Variants in AFG2A observed in about 807,000 individuals in gnomAD.
The protein encoded by AFG2A is AAA ATPase AFG2A.
chr4:123,054,934 A>T, the AFG2A span, among the ~76,000 whole-genome samples: 1 of 151,740 alleles, frequency 6.6e-6, no homozygotes, highest in Non-Finnish European at 1.5e-5. Flanking sequence ...CGACTTCTGG[A>T]CTCTTAATAT....
chr4:122,958,832 C>T, the AFG2A span, among the ~76,000 whole-genome samples: 1 of 152,186 alleles, frequency 6.6e-6, no homozygotes, highest in Non-Finnish European at 1.5e-5. Flanking sequence ...CAGTCACATT[C>T]CCACTCATAA....
At chr4:123,133,622 C>A in the AFG2A span, among the ~76,000 whole-genome samples, 4 of 152,082 alleles carry the variant, frequency 2.6e-5, no homozygotes, top group Admixed American at 2.6e-4. Flanking sequence ...AGTGGGATTG[C>A]TGAATCATAT....
chr4:123,034,302 A>G, the AFG2A span, among the ~76,000 whole-genome samples: 3 of 152,118 alleles, frequency 2.0e-5, no homozygotes, highest in African/African-American at 7.2e-5. Context: ...ATAAATGACT[A>G]TATATACCCT....
the AFG2A span, among the ~76,000 whole-genome samples, chr4:123,195,648 A>G: frequency 6.6e-6 from 1 of 152,222 alleles, no homozygotes; most frequent in African/African-American, 2.4e-5. Context: ...AAACAAAACA[A>G]AGCCCAGATA....
the AFG2A span, among the ~76,000 whole-genome samples, chr4:123,241,444 C>G: frequency 6.6e-6 from 1 of 152,164 alleles, no homozygotes; most frequent in Non-Finnish European, 1.5e-5. Context: ...ATGATCAAGT[C>G]AGCTTCATCC....
At chr4:123,107,059 G>A in the AFG2A span, among the ~76,000 whole-genome samples, 1 of 152,198 alleles carries the variant, frequency 6.6e-6, no homozygotes, top group African/African-American at 2.4e-5. Context: ...CTGGACGAGG[G>A]GAACACAGTG....
chr4:123,064,603 G>T, the AFG2A span, among the ~76,000 whole-genome samples: 2 of 152,208 alleles, frequency 1.3e-5, no homozygotes, highest in Non-Finnish European at 2.9e-5. Context: ...CAACAATCCT[G>T]TCATCAAAAG....
chr4:122,979,120 C>A, the AFG2A span: 2 of 1,306,362 alleles, frequency 1.5e-6, no homozygotes, highest in South Asian at 3.0e-5. Flanking sequence ...GCCTCCCCCA[C>A]TGCAGCCAGT....
the AFG2A span, among the ~76,000 whole-genome samples, chr4:123,211,604 CTT>C: frequency 6.6e-6 from 1 of 152,080 alleles, no homozygotes; most frequent in Non-Finnish European, 1.5e-5. Context: ...TCTTTTAAAA[CTT>C]TTAGTTACAT....
At chr4:123,098,922 T>A in the AFG2A span, among the ~76,000 whole-genome samples, 6 of 152,098 alleles carry the variant, frequency 3.9e-5, no homozygotes, top group South Asian at 6.2e-4. Context: ...TTATTTTAAA[T>A]TTTTTAGGAA....
the AFG2A span, chr4:123,256,163 G>C: frequency 6.2e-7 from 1 of 1,614,006 alleles, no homozygotes; most frequent in East Asian, 2.2e-5. Context: ...TCAAACCGAC[G>C]CATACTCAGG....
the AFG2A span, among the ~76,000 whole-genome samples, chr4:123,222,136 C>A: frequency 6.6e-6 from 1 of 151,844 alleles, no homozygotes. Context: ...CAGTTGTACC[C>A]GAAAATAAAT....
chr4:122,927,152 A>G, the AFG2A span, among the ~76,000 whole-genome samples: 1 of 152,190 alleles, frequency 6.6e-6, no homozygotes, highest in African/African-American at 2.4e-5. Flanking sequence ...AAGGAAGACG[A>G]CTTCTGTTAC....
the AFG2A span, among the ~76,000 whole-genome samples, chr4:123,022,884 AG>A: frequency 6.6e-6 from 1 of 152,078 alleles, no homozygotes; most frequent in Non-Finnish European, 1.5e-5. Context: ...TGTCCTTTGT[AG>A]GGACATGGAT....
chr4:123,230,328 C>T, the AFG2A span, among the ~76,000 whole-genome samples: 1,308 of 152,084 alleles, frequency 8.6e-3, 24 homozygotes, highest in African/African-American at 0.03. Flanking sequence ...AGGTTCACAG[C>T]GTCTTCACCA....
chr4:123,124,008 G>T, the AFG2A span, among the ~76,000 whole-genome samples: 1 of 148,646 alleles, frequency 6.7e-6, no homozygotes. Flanking sequence ...GAGAGGATGT[G>T]GAGAAATAGG....
the AFG2A span, among the ~76,000 whole-genome samples, chr4:123,086,820 G>A: frequency 6.6e-6 from 1 of 151,982 alleles, no homozygotes; most frequent in Non-Finnish European, 1.5e-5. Context: ...GCTGTTTCCG[G>A]TTGACTAATG....
chr4:123,147,754 C>T, the AFG2A span, among the ~76,000 whole-genome samples: 1 of 152,066 alleles, frequency 6.6e-6, no homozygotes, highest in East Asian at 1.9e-4. Flanking sequence ...AAGAGGATTC[C>T]AGCTGTCTCA....
At chr4:123,159,796 C>G in the AFG2A span, among the ~76,000 whole-genome samples, 1 of 152,072 alleles carries the variant, frequency 6.6e-6, no homozygotes, top group African/African-American at 2.4e-5. Context: ...GATAATGTAT[C>G]AGAATCAATC....
Sources: allele counts gnomAD v4.1 joint callset (sites outside exome capture counted in the v4.1 genomes callset), GRCh38; gene constraint gnomAD v4.1.1; transcripts MANE v1.5; gene names NCBI Gene and HGNC (gene_info 2026-07-23, HGNC 2026-07-21).